Variants in ZMAT5 observed in about 807,000 individuals in gnomAD.
ZMAT5 encodes zinc finger matrin-type 5.
In ZMAT5, 23 loss-of-function variants were observed where a neutral mutation model predicts 28.0. That is an observed-to-expected ratio of 0.82 (90% confidence interval 0.59 to 1.16). The LOEUF (loss-of-function observed/expected upper bound fraction) is 1.16, where lower values mean the gene tolerates loss of function less well. ZMAT5 is among the 50% of genes most tolerant of loss of function. The pLI is 0.00. For synonymous variants in ZMAT5, 76 were observed against 84.1 expected (o/e 0.90, Z 0.52); for missense variants, 173 against 212.7 (o/e 0.81, Z 1.16).
intron 1 of ZMAT5, among the ~76,000 whole-genome samples, chr22:29,754,078 A>G (rs1381649334): frequency 6.6e-6 from 1 of 152,066 alleles, no homozygotes; most frequent in African/African-American, 2.4e-5. Context: ...GCACCACCGT[A>G]CTTGGCAGCC....
At chr22:29,763,750 C>T (rs555057706) in intron 1 of ZMAT5, among the ~76,000 whole-genome samples, 32 of 152,212 alleles carry the variant, frequency 2.1e-4, no homozygotes, top group African/African-American at 7.0e-4. Context: ...TGGTGACACC[C>T]CTAAATTTTT....
intron 2 of ZMAT5, chr22:29,747,905 C>T (rs1035516385): frequency 1.9e-5 from 4 of 210,394 alleles, no homozygotes; most frequent in South Asian, 7.6e-5. Flanking sequence ...CAGGTCTGGC[C>T]ACGGCAGCTA....
intron 1 of ZMAT5, among the ~76,000 whole-genome samples, chr22:29,750,142 TAC>T (rs1270617133): frequency 6.6e-6 from 1 of 152,234 alleles, no homozygotes; most frequent in African/African-American, 2.4e-5. Flanking sequence ...TAGTGCACAG[TAC>T]AGAGTAGGCA....
At chr22:29,756,969 G>A (rs1217663736) in intron 1 of ZMAT5, among the ~76,000 whole-genome samples, 1 of 152,062 alleles carries the variant, frequency 6.6e-6, no homozygotes, top group Non-Finnish European at 1.5e-5. Flanking sequence ...AACCTGGGAG[G>A]CGGAGGTTGC....
At chr22:29,760,356 GAGAC>G (rs1377995330) in intron 1 of ZMAT5, among the ~76,000 whole-genome samples, 2 of 145,034 alleles carry the variant, frequency 1.4e-5, no homozygotes, top group African/African-American at 5.2e-5. Context: ...CTGAGTGACA[GAGAC>G]AGACTCCTCT....
At chr22:29,738,563 T>C in intron 4 of ZMAT5, 122 bp from the exon 5 acceptor site, 1 of 765,250 alleles carries the variant, frequency 1.3e-6, no homozygotes, top group Non-Finnish European at 2.1e-6. Context: ...GCAGCAACCT[T>C]CCAGGAGGAT....
At chr22:29,754,274 A>G (rs990512483) in intron 1 of ZMAT5, among the ~76,000 whole-genome samples, 3 of 151,918 alleles carry the variant, frequency 2.0e-5, no homozygotes, top group Middle Eastern at 3.2e-3. Flanking sequence ...ATCCGGCCCC[A>G]CGCCCTGCCA....
At chr22:29,752,167 C>T (rs1019855562) in intron 1 of ZMAT5, among the ~76,000 whole-genome samples, 4 of 152,136 alleles carry the variant, frequency 2.6e-5, no homozygotes, top group Admixed American at 2.6e-4. Flanking sequence ...CAGAGCAGGC[C>T]TCAGGGTACC....
chr22:29,744,525 G>C lies in ZMAT5; in HGVS notation c.128-2045C>G, dbSNP rs950085481. Among the ~76,000 whole-genome samples, 34 of 151,906 alleles carry C rather than the reference G, an allele frequency of 2.2e-4. 1 individual carries two copies. The highest frequency in any genetic ancestry group is 1.6e-3 in the Admixed American group (25 of 15,262). ...CCCAGCTGGTGCTACAGACACCACTGCCTGCCTTTCCCTGAGGTGGGGGGG... is the reference window on the plus strand; with the variant it reads ...CCCAGCTGGTGCTACAGACACCACTCCCTGCCTTTCCCTGAGGTGGGGGGG... On this transcript the variant is annotated intron_variant, in intron 2 of 5. Transcript: ENST00000344318.
chr22:29,759,644 T>A (rs2068136810), intron 1 of ZMAT5, among the ~76,000 whole-genome samples: 1 of 151,738 alleles, frequency 6.6e-6, no homozygotes, highest in South Asian at 2.1e-4. Context: ...GTGTCATGTG[T>A]CTGTAGTCCT....
rs1196149439 is a variant in ZMAT5 at position 29,748,689 on chromosome 22, C to G, written c.-27-118G>C. On this transcript the variant is annotated intron_variant, in intron 1 of 5. Coordinates refer to ENST00000344318, the MANE Select transcript of ZMAT5 (RefSeq NM_001003692.2). ...CAGGCTTTACTCATATGCACCCCGC[C>G]CCATTAGGAGTGTCAAGCTGATGAG... 5 of 1,317,806 alleles carry G rather than the reference C, an allele frequency of 3.8e-6. No homozygotes were observed. The South Asian group carries it at 7.0e-5, about 18-fold the overall frequency. The allele number at this position is 1,317,806 out of a possible 1,614,324, so 81.6% of individuals were successfully genotyped here.
At chr22:29,765,741 G>C (rs998483429) in intron 1 of ZMAT5, among the ~76,000 whole-genome samples, 1 of 152,150 alleles carries the variant, frequency 6.6e-6, no homozygotes, top group East Asian at 1.9e-4. Flanking sequence ...GGTGGCAGGC[G>C]CCTGTAATCC....
At chr22:29,766,102 C>T (rs1186725200) in intron 1 of ZMAT5, among the ~76,000 whole-genome samples, 1 of 152,082 alleles carries the variant, frequency 6.6e-6, no homozygotes, top group African/African-American at 2.4e-5. Flanking sequence ...TTGCTTGAGC[C>T]CAGGAGTTGG....
chr22:29,742,394 C>T, intron 3 of ZMAT5, 24 bp downstream of exon 3: 1 of 1,611,986 alleles, frequency 6.2e-7, no homozygotes, highest in Non-Finnish European at 8.5e-7. Flanking sequence ...CCCGCAGGGA[C>T]CTGAGCTGTG....
At chr22:29,763,644 C>G (rs1481343376) in intron 1 of ZMAT5, among the ~76,000 whole-genome samples, 1 of 151,302 alleles carries the variant, frequency 6.6e-6, no homozygotes. Context: ...AAAAATTAGG[C>G]TGGGGAGATG....
intron 2 of ZMAT5, among the ~76,000 whole-genome samples, chr22:29,742,966 T>C (rs2067977381): frequency 6.6e-6 from 1 of 151,962 alleles, no homozygotes; most frequent in Non-Finnish European, 1.5e-5. Flanking sequence ...TAATATTTTT[T>C]ATCTTTTTGT....
chr22:29,738,292 C>G (rs1238155874), intron 5 of ZMAT5, 38 bp downstream of exon 5: 2 of 1,585,488 alleles, frequency 1.3e-6, no homozygotes, highest in Non-Finnish European at 1.7e-6. Flanking sequence ...GTTTTGCCCC[C>G]AGGGGGCACA....
chr22:29,764,553 T>C (rs1222365006), intron 1 of ZMAT5, among the ~76,000 whole-genome samples: 1 of 152,140 alleles, frequency 6.6e-6, no homozygotes. Context: ...CAGGCTGGAG[T>C]GCAGTGACGC....
rs560420467 is a variant in ZMAT5 at position 29,765,519 on chromosome 22, C to T, written c.-28+1353G>A. ...CTGCTAGCTTGCTCTGTCTGCCCTC[C>T]CTCCCAAATTACATCCCAAATCTGA... On this transcript the variant is annotated intron_variant, in intron 1 of 5. Coordinates refer to ENST00000344318, the MANE Select transcript of ZMAT5 (RefSeq NM_001003692.2). Among the ~76,000 whole-genome samples, 5 of 152,240 alleles carry T rather than the reference C, an allele frequency of 3.3e-5. No individual in the cohort carries two copies. In the South Asian group the frequency reaches 1.0e-3, roughly 32 times the overall value.
Sources: allele counts gnomAD v4.1 joint callset (sites outside exome capture counted in the v4.1 genomes callset), GRCh38; gene constraint gnomAD v4.1.1; transcripts MANE v1.5; gene names NCBI Gene and HGNC (gene_info 2026-07-23, HGNC 2026-07-21).